CALCR: variants seen among roughly 807,000 people sequenced by gnomAD.
CALCR encodes calcitonin receptor.
In CALCR, 47 loss-of-function variants were observed where a neutral mutation model predicts 59.5. The observed-to-expected ratio is 0.79, with a 90% CI of 0.63 to 1.01. The LOEUF (loss-of-function observed/expected upper bound fraction) is 1.01. Among genes scored for constraint, CALCR ranks in the 50% least tolerant of loss-of-function variants. The probability of loss-of-function intolerance (pLI) is 0.00; values close to 1 mark genes in which losing one functional copy is unlikely to be tolerated. For missense variants in CALCR, 566 were observed against 597.1 expected, an observed-to-expected ratio of 0.95 and a Z score of 0.54; for synonymous variants, 213 against 211.3, an observed-to-expected ratio of 1.01 and a Z score of -0.07.
intron 2 of CALCR, among the ~76,000 whole-genome samples, chr7:93,555,320 T>C (rs1426178928): frequency 1.3e-5 from 2 of 152,074 alleles, no homozygotes; most frequent in Admixed American, 6.6e-5. Flanking sequence ...GAAAACAGTG[T>C]GGATACAGTT....
chr7:93,451,079 G>A (rs979706806), intron 8 of CALCR, among the ~76,000 whole-genome samples: 2 of 150,396 alleles, frequency 1.3e-5, no homozygotes, highest in African/African-American at 4.9e-5. Context: ...TTATGTTAAT[G>A]CCTTTCTGGT....
intron 2 of CALCR, among the ~76,000 whole-genome samples, chr7:93,524,890 G>T (rs1424380633): frequency 6.6e-6 from 1 of 152,028 alleles, no homozygotes; most frequent in Non-Finnish European, 1.5e-5. Flanking sequence ...AGTTTTTAGG[G>T]CAAGTCACAT....
chr7:93,435,803 G>C lies in CALCR; in HGVS notation c.1149+149C>G, dbSNP rs10215616. 0.62 allele frequency: 144,689 copies of C among 232,476 alleles called. 46,233 individuals are homozygous for C. Among genetic ancestry groups the C allele is most frequent in the East Asian group, 0.89 (10,243 of 11,458 alleles). 14.4% of individuals were successfully genotyped at this position (232,476 alleles called of 1,614,324 possible). A position where few individuals can be genotyped will look rare whatever the true frequency, so the allele number is the denominator to read the frequency against. ...CCTGGTGGACAGAGCGAGACTCTGT[G>C]TCAAAAAAAATAAAATAAAATAATA... is the stretch of plus-strand genomic sequence containing the variant. On this transcript the variant is annotated intron_variant, in intron 12 of 13. Transcript: ENST00000426151.
intron 2 of CALCR, among the ~76,000 whole-genome samples, chr7:93,517,075 C>T (rs1801665205): frequency 6.6e-6 from 1 of 151,752 alleles, no homozygotes; most frequent in Non-Finnish European, 1.5e-5. Flanking sequence ...AGGAGGATGT[C>T]ATGATTAACC....
intron 2 of CALCR, among the ~76,000 whole-genome samples, chr7:93,543,148 T>G (rs970680625): frequency 6.6e-6 from 1 of 152,188 alleles, no homozygotes; most frequent in African/African-American, 2.4e-5. Context: ...GCTCTGGGGC[T>G]ATAGTTATAG....
chr7:93,571,116 T>C (rs1322537862), intron 2 of CALCR, among the ~76,000 whole-genome samples: 1 of 152,198 alleles, frequency 6.6e-6, no homozygotes, highest in Non-Finnish European at 1.5e-5. Context: ...CAAGTTAGTA[T>C]CATTATGAAA....
chr7:93,563,500 T>C (rs1256676672), intron 2 of CALCR, among the ~76,000 whole-genome samples: 1 of 152,328 alleles, frequency 6.6e-6, no homozygotes, highest in East Asian at 1.9e-4. Context: ...CATTTGACTC[T>C]AATTTTTATG....
chr7:93,507,124 C>G (rs150157639), intron 2 of CALCR, among the ~76,000 whole-genome samples: 2 of 152,042 alleles, frequency 1.3e-5, no homozygotes, highest in African/African-American at 2.4e-5. Flanking sequence ...TGGACTAATA[C>G]ATCAGGAAAG....
At chr7:93,533,455 A>G (rs1460255632) in intron 2 of CALCR, among the ~76,000 whole-genome samples, 1 of 151,990 alleles carries the variant, frequency 6.6e-6, no homozygotes, top group Non-Finnish European at 1.5e-5. Context: ...TACGCTTCAT[A>G]CTTTCAATGT....
rs1789301496 is a variant in CALCR at position 93,546,816 on chromosome 7, C to G, written c.-27+27473G>C. Reference sequence around the variant, plus strand: ...GCTCAAGTGATCCACCTGCCTTGGCCTCCCAAAGTGCTGGGATTACAGGCT... The same window carrying G: ...GCTCAAGTGATCCACCTGCCTTGGCGTCCCAAAGTGCTGGGATTACAGGCT... On this transcript the variant is annotated intron_variant, in intron 2 of 13. Coordinates refer to ENST00000426151, the MANE Select transcript of CALCR (RefSeq NM_001742.4). Among the ~76,000 whole-genome samples, 3 of 151,990 alleles carry G rather than the reference C, an allele frequency of 2.0e-5. No individual in the cohort carries two copies. The South Asian group carries it at 6.2e-4, about 31-fold the overall frequency.
At chr7:93,549,849 C>G (rs1259575934) in intron 2 of CALCR, among the ~76,000 whole-genome samples, 1 of 152,156 alleles carries the variant, frequency 6.6e-6, no homozygotes, top group African/African-American at 2.4e-5. Context: ...TATCCAGGAG[C>G]TAACCTATCC....
intron 2 of CALCR, among the ~76,000 whole-genome samples, chr7:93,544,256 G>T (rs1265427824): frequency 1.3e-5 from 2 of 151,988 alleles, no homozygotes; most frequent in African/African-American, 4.8e-5. Flanking sequence ...TGGAAGAAGG[G>T]TTAAAAAATT....
At chr7:93,442,455 C>T (rs1049132226) in intron 9 of CALCR, among the ~76,000 whole-genome samples, 1 of 152,138 alleles carries the variant, frequency 6.6e-6, no homozygotes, top group Non-Finnish European at 1.5e-5. Context: ...TGGCATAACA[C>T]CAGCCCCTTT....
intron 2 of CALCR, among the ~76,000 whole-genome samples, chr7:93,531,985 A>C (rs1330031039): frequency 6.8e-6 from 1 of 147,538 alleles, no homozygotes; most frequent in East Asian, 2.2e-4. Flanking sequence ...ACTCAAAGTT[A>C]AAATGTAATT....
At chr7:93,496,071 A>C (rs1478262423) in intron 2 of CALCR, 2 of 626,388 alleles carry the variant, frequency 3.2e-6, no homozygotes, top group African/African-American at 3.8e-5. Context: ...AAGCAAAGTT[A>C]AATTATCTTT....
intron 2 of CALCR, among the ~76,000 whole-genome samples, chr7:93,506,717 T>TA (rs1194445746): frequency 6.6e-6 from 1 of 152,034 alleles, no homozygotes; most frequent in African/African-American, 2.4e-5. Context: ...CTTCCTAGCT[T>TA]ATTTTCCTAT....
At chr7:93,445,704 T>C (rs1460708809) in intron 8 of CALCR, among the ~76,000 whole-genome samples, 1 of 152,110 alleles carries the variant, frequency 6.6e-6, no homozygotes, top group African/African-American at 2.4e-5. Flanking sequence ...ATTTAACATA[T>C]GTTGCTGCTT....
At chr7:93,474,038 A>AT (rs1800613082) in intron 5 of CALCR, among the ~76,000 whole-genome samples, 3 of 151,700 alleles carry the variant, frequency 2.0e-5, no homozygotes. Flanking sequence ...AACTACAATA[A>AT]TTTTTTAAAA....
At chr7:93,470,727 A>C (rs1029019563) in intron 6 of CALCR, among the ~76,000 whole-genome samples, 58 of 151,146 alleles carry the variant, frequency 3.8e-4, no homozygotes, top group African/African-American at 1.4e-3. Context: ...TGTGGAAAGC[A>C]TTTTATTTTT....
Sources: allele counts gnomAD v4.1 joint callset (sites outside exome capture counted in the v4.1 genomes callset), GRCh38; gene constraint gnomAD v4.1.1; transcripts MANE v1.5; gene names NCBI Gene and HGNC (gene_info 2026-07-23, HGNC 2026-07-21).